The following BCLAF3 variants were observed in gnomAD, a reference collection of about 807,000 sequenced individuals.
BCLAF3 encodes BCLAF1 and THRAP3 family member 3.
Under a neutral mutation model 51.2 loss-of-function variants are expected in BCLAF3, and 24 were observed. The ratio of observed to expected loss-of-function variants is 0.47; its 90% confidence interval spans 0.34 to 0.66. BCLAF3 has a LOEUF of 0.66. Ranked by LOEUF, BCLAF3 falls within the 30% of genes least tolerant of loss-of-function variation. BCLAF3 has a pLI of 0.01. For missense variants in BCLAF3, 465 were observed against 525.1 expected, an observed-to-expected ratio of 0.89 and a Z score of 1.12; for synonymous variants, 152 against 176.6, an observed-to-expected ratio of 0.86 and a Z score of 1.10.
At chrX:19,931,765 A>G (rs1235054518) in intron 10 of BCLAF3, among the ~76,000 whole-genome samples, 1 of 112,340 alleles carries the variant, frequency 8.9e-6, no homozygotes, top group Non-Finnish European at 1.9e-5. Context: ...TGCAAGGTAC[A>G]AAGACTAAAC....
At chrX:19,974,291 T>C (rs923121027) in intron 1 of BCLAF3, among the ~76,000 whole-genome samples, 9 of 112,258 alleles carry the variant, frequency 8.0e-5, no homozygotes, top group African/African-American at 2.9e-4. Context: ...AGCCCAGCAA[T>C]TCCATGCAGG....
At position 19,937,547 on chromosome X, in the gene BCLAF3, G is replaced by A; in HGVS notation, c.1746-15C>T. On this transcript the variant is annotated splice_polypyrimidine_tract_variant and intron_variant, in intron 8 of 11. Transcript: ENST00000379682. ...TCTGATCATCCCTAATAAGGAAACA[G>A]AGAAAATAAGAATATTTTATTAGTA... 1 of 852,329 alleles carries A rather than the reference G, an allele frequency of 1.2e-6. No individual in the cohort carries two copies. Among genetic ancestry groups the A allele is most frequent in the Non-Finnish European group, 1.7e-6 (1 of 600,741 alleles). The allele number at this position is 852,329 out of a possible 1,213,427, so 70.2% of individuals were successfully genotyped here.
intron 1 of BCLAF3, among the ~76,000 whole-genome samples, chrX:19,975,421 G>A (rs1439182689): frequency 9.3e-6 from 1 of 107,088 alleles, no homozygotes; most frequent in Non-Finnish European, 1.9e-5. Flanking sequence ...TCGGCTCACT[G>A]CAACCTCCAC....
In BCLAF3 at chrX:19,940,275, TA is replaced by T. The variant is rs201922769; in HGVS notation, c.1746-2744del. ...AGTCTTTATTTTTTATTTATTTATTTATTTTTTTTTTTTTATTATACTTTAA... is the reference window on the plus strand; with the variant it reads ...AGTCTTTATTTTTTATTTATTTATTTTTTTTTTTTTTTTATTATACTTTAA... On this transcript the variant is annotated intron_variant, in intron 8 of 11. Transcript: ENST00000379682. Among the ~76,000 whole-genome samples the T allele has an allele frequency of 8.3e-3, 669 of 80,513 alleles. 3 individuals carry two copies. Among genetic ancestry groups the T allele is most frequent in the African/African-American group, 0.021 (230 of 11,180 alleles). 69.9% of individuals were successfully genotyped at this position (80,513 alleles called of 115,157 possible). A position where few individuals can be genotyped will look rare whatever the true frequency, so the allele number is the denominator to read the frequency against.
intron 6 of BCLAF3, 132 bp downstream of exon 6, chrX:19,953,646 T>C: frequency 2.5e-6 from 1 of 400,823 alleles, no homozygotes; most frequent in Non-Finnish European, 4.3e-6. Context: ...CTATTATTTT[T>C]GTGCAGGAAA....
At position 19,965,739 on chromosome X, in the gene BCLAF3, TAG is replaced by T. The variant is rs778785533; in HGVS notation, c.612-35_612-34del. ...GACATAAAGCAGTTTACACTTGCAATAGAGAGAAGAAAGGGAGAATTTATATG... is the reference window on the plus strand; with the variant it reads ...GACATAAAGCAGTTTACACTTGCAATAGAGAAGAAAGGGAGAATTTATATG... On this transcript the variant is annotated intron_variant, in intron 3 of 11. Transcript: ENST00000379682. The T allele has an allele frequency of 5.5e-6, 6 of 1,091,516 alleles. No individual in the cohort carries two copies. In the African/African-American group the frequency reaches 9.3e-5, roughly 17 times the overall value. The allele number at this position is 1,091,516 out of a possible 1,213,427, so 90.0% of individuals were successfully genotyped here.
chrX:19,955,287 G>T, intron 5 of BCLAF3, 104 bp downstream of exon 5: 2 of 546,770 alleles, frequency 3.7e-6, no homozygotes, highest in South Asian at 5.9e-5. Context: ...AGCTTACAAT[G>T]AAATATTAAT....
Position 19,929,899 on chromosome X carries a change from T to C in BCLAF3, c.1992A>G (p.Ser664=). Reference sequence around the variant, plus strand: ...TGTACAAGCTCTTCTGTACCAGGCCTGATTTATAATTGGGCTGGCATCTGC... The same window carrying C: ...TGTACAAGCTCTTCTGTACCAGGCCCGATTTATAATTGGGCTGGCATCTGC... ...RGGRCQPNYK[S]GLVQKSLYIQ... The change falls in exon 11 of 12, where the codon TCA becomes TCG. Residue 664 remains serine (S), a synonymous_variant. Coordinates refer to ENST00000379682, the MANE Select transcript of BCLAF3 (RefSeq NM_001367774.2). 1 of 1,208,491 alleles carries C rather than the reference T, an allele frequency of 8.3e-7. No homozygotes were observed. The highest frequency in any genetic ancestry group is 1.1e-6 in the Non-Finnish European group (1 of 894,234).
chrX:19,988,589 T>C (rs1046784331), intron 1 of BCLAF3, among the ~76,000 whole-genome samples: 12 of 111,663 alleles, frequency 1.1e-4, no homozygotes, highest in African/African-American at 3.6e-4. Flanking sequence ...CTAGGCAACA[T>C]AGTGAGACAC....
chrX:19,990,744 G>A (rs2148087945), intron 1 of BCLAF3, among the ~76,000 whole-genome samples, 164 bp downstream of exon 1: 1 of 112,474 alleles, frequency 8.9e-6, no homozygotes, highest in East Asian at 2.8e-4. Flanking sequence ...CTGACCGAGG[G>A]ACCTACGGGG....
At chrX:19,984,072 C>CAAAAAAAAAA (rs1168246147) in intron 1 of BCLAF3, among the ~76,000 whole-genome samples, 1 of 15,428 alleles carries the variant, frequency 6.5e-5, no homozygotes, top group Non-Finnish European at 1.2e-4. Context: ...GACTCCATCT[C>CAAAAAAAAAA]AAAAAAAAAA....
chrX:19,952,472 G>A (rs755038285), intron 7 of BCLAF3, among the ~76,000 whole-genome samples: 3 of 109,373 alleles, frequency 2.7e-5, no homozygotes, highest in Admixed American at 2.0e-4. Flanking sequence ...GGGAGGTGTC[G>A]GGTGGGAACG....
intron 1 of BCLAF3, among the ~76,000 whole-genome samples, chrX:19,986,870 C>T (rs985228665): frequency 1.9e-5 from 2 of 103,735 alleles, no homozygotes; most frequent in African/African-American, 7.1e-5. Flanking sequence ...GTAGTGCAAT[C>T]ATAGCTCACT....
At chrX:19,920,221 TGA>T (rs1445802666) in intron 11 of BCLAF3, among the ~76,000 whole-genome samples, 2 of 112,052 alleles carry the variant, frequency 1.8e-5, no homozygotes, top group East Asian at 5.6e-4. Context: ...GTATGTTCTG[TGA>T]GACTCCACTG....
chrX:19,920,100 C>T (rs778601098), intron 11 of BCLAF3, among the ~76,000 whole-genome samples: 7 of 111,018 alleles, frequency 6.3e-5, no homozygotes, highest in South Asian at 7.6e-4. Context: ...TGGCAGGGGA[C>T]GCCTACATGA....
intron 1 of BCLAF3, among the ~76,000 whole-genome samples, chrX:19,978,273 C>T (rs957117090): frequency 1.8e-5 from 2 of 111,773 alleles, no homozygotes; most frequent in African/African-American, 6.5e-5. Context: ...AATTGAAAAC[C>T]TTCTGGAAAG....
At chrX:19,920,417 T>C (rs1401955589) in intron 11 of BCLAF3, among the ~76,000 whole-genome samples, 1 of 111,355 alleles carries the variant, frequency 9.0e-6, no homozygotes, top group Non-Finnish European at 1.9e-5. Flanking sequence ...TTCACTAACA[T>C]TTTAGAGCAT....
At chrX:19,933,767 CCTT>C (rs1398316510) in intron 10 of BCLAF3, among the ~76,000 whole-genome samples, 1 of 111,318 alleles carries the variant, frequency 9.0e-6, no homozygotes, top group Non-Finnish European at 1.9e-5. Context: ...CAAAATATTT[CCTT>C]TTTTTTTCTT....
intron 2 of BCLAF3, among the ~76,000 whole-genome samples, chrX:19,968,062 T>G (rs746677644): frequency 1.3e-4 from 15 of 112,724 alleles, no homozygotes; most frequent in Non-Finnish European, 2.4e-4. Context: ...TCAAAGGTCT[T>G]GCAGTCTGGA....
Sources: gnomAD v4.1 joint callset for allele counts (sites outside exome capture counted in the v4.1 genomes callset) on GRCh38, gnomAD v4.1.1 for gene constraint, MANE v1.5 for transcripts, NCBI Gene and HGNC (gene_info 2026-07-23, HGNC 2026-07-21) for gene names.